The following STK39 variants were observed in gnomAD, a reference collection of about 807,000 sequenced individuals.
STK39 encodes serine/threonine kinase 39, also known as STE20/SPS1-related proline-alanine-rich protein kinase.
STK39 carries 20 observed loss-of-function variants against 77.8 expected under a neutral mutation model. That is an observed-to-expected ratio of 0.26 (90% CI 0.18 to 0.37). The LOEUF is 0.37. STK39 is among the 10% of genes least tolerant of loss of function. STK39 has a pLI of 1.00. For missense variants in STK39, 479 were observed against 656.5 expected (o/e 0.73, Z 2.95); for synonymous variants, 246 against 234.1 (o/e 1.05, Z -0.47).
At chr2:168,243,298 G>A (rs1025535428) in intron 1 of STK39, among the ~76,000 whole-genome samples, 2 of 152,194 alleles carry the variant, frequency 1.3e-5, no homozygotes, top group Admixed American at 1.3e-4. Context: ...ACAAGAGGCT[G>A]TTGCTCCTTA....
intron 12 of STK39, among the ~76,000 whole-genome samples, chr2:168,071,269 A>G (rs3754787): frequency 0.49 from 75,079 of 151,866 alleles, 19,705 homozygotes; most frequent in Non-Finnish European, 0.56. Context: ...TTAATATTCG[A>G]CTTGCAGTGC....
intron 10 of STK39, among the ~76,000 whole-genome samples, chr2:168,077,008 G>C (rs1272772213): frequency 6.6e-6 from 1 of 152,132 alleles, no homozygotes; most frequent in Non-Finnish European, 1.5e-5. Context: ...TATTTTCTTA[G>C]CAACGCTGAT....
At chr2:168,235,510 A>T (rs1471892063) in intron 1 of STK39, among the ~76,000 whole-genome samples, 1 of 151,622 alleles carries the variant, frequency 6.6e-6, no homozygotes, top group Non-Finnish European at 1.5e-5. Flanking sequence ...TGCAGGTTAC[A>T]TATGTATACA....
In STK39 at chr2:168,234,028, T is replaced by A. The variant is rs539055509; in HGVS notation, c.208+13200A>T. Among the ~76,000 whole-genome samples the A allele has an allele frequency of 3.9e-5, 6 of 152,358 alleles. No individual in the cohort carries two copies. In the East Asian group the frequency reaches 9.6e-4, roughly 24 times the overall value. ...CAAGAATACTCTTCTTCTGAAGAGATGAATTGACTAGCTTGCAAATAGGTA... is the reference window on the plus strand; with the variant it reads ...CAAGAATACTCTTCTTCTGAAGAGAAGAATTGACTAGCTTGCAAATAGGTA... On this transcript the variant is annotated intron_variant, in intron 1 of 17. Transcript: ENST00000355999.
intron 14 of STK39, among the ~76,000 whole-genome samples, chr2:168,047,348 T>C (rs1685270727): frequency 6.6e-6 from 1 of 152,230 alleles, no homozygotes; most frequent in Non-Finnish European, 1.5e-5. Flanking sequence ...TTTTAAGTGC[T>C]TTAGAGGCCT....
intron 17 of STK39, among the ~76,000 whole-genome samples, chr2:167,964,153 TCTGTTA>T (rs1306320568): frequency 6.6e-6 from 1 of 152,214 alleles, no homozygotes; most frequent in East Asian, 1.9e-4. Flanking sequence ...TCTACAAAAA[TCTGTTA>T]CTGTTGATTT....
chr2:168,157,079 G>A lies in STK39; in HGVS notation c.628+4708C>T, dbSNP rs879416136. On this transcript the variant is annotated intron_variant, in intron 5 of 17. Coordinates refer to ENST00000355999, the MANE Select transcript of STK39 (RefSeq NM_013233.3). ...TTCCTCTAGCTCCTTAATGGATAAC[G>A]CCTAAGTGACAGAAGCAAGTTAAGT... 3.3e-5 allele frequency among the ~76,000 whole-genome samples: 5 copies of A among 152,184 alleles called. No individual in the cohort carries two copies. The East Asian group carries it at 5.8e-4, about 18-fold the overall frequency.
At chr2:167,995,612 G>A (rs1683818214) in intron 16 of STK39, among the ~76,000 whole-genome samples, 1 of 152,176 alleles carries the variant, frequency 6.6e-6, no homozygotes, top group South Asian at 2.1e-4. Flanking sequence ...AGTATCAAGA[G>A]AGAGAAGATG....
intron 5 of STK39, among the ~76,000 whole-genome samples, chr2:168,160,718 C>A (rs1688547495): frequency 6.6e-6 from 1 of 152,184 alleles, no homozygotes; most frequent in Non-Finnish European, 1.5e-5. Flanking sequence ...CCAGAGCCTG[C>A]ACTCTGAACA....
intron 2 of STK39, among the ~76,000 whole-genome samples, chr2:168,181,465 G>A (rs1234503479): frequency 2.6e-5 from 4 of 152,022 alleles, no homozygotes; most frequent in South Asian, 2.1e-4. Flanking sequence ...AAATTGCCAC[G>A]TTAAGAAAAA....
At chr2:168,182,731 CA>C (rs1165319113) in intron 1 of STK39, among the ~76,000 whole-genome samples, 1 of 152,168 alleles carries the variant, frequency 6.6e-6, no homozygotes, top group Non-Finnish European at 1.5e-5. Context: ...TGTCATTATC[CA>C]TATTTTATAA....
chr2:168,229,970 G>A (rs1192077705), intron 1 of STK39, among the ~76,000 whole-genome samples: 1 of 152,146 alleles, frequency 6.6e-6, no homozygotes, highest in Non-Finnish European at 1.5e-5. Context: ...CAGCAAATTA[G>A]TCTATGAAAC....
chr2:168,144,569 G>A (rs1688082646), intron 5 of STK39, among the ~76,000 whole-genome samples: 1 of 151,808 alleles, frequency 6.6e-6, no homozygotes, highest in Non-Finnish European at 1.5e-5. Context: ...GCCTCCCAAC[G>A]TGCTGGAATT....
intron 14 of STK39, 46 bp downstream of exon 14, chr2:168,063,454 T>C (rs1249390574): frequency 3.9e-6 from 6 of 1,519,864 alleles, no homozygotes; most frequent in African/African-American, 1.4e-5. Context: ...TTTAAAAAAT[T>C]GTACTATAGG....
chr2:168,001,512 C>CTT (rs150832001), intron 16 of STK39, among the ~76,000 whole-genome samples: 4 of 110,818 alleles, frequency 3.6e-5, no homozygotes, highest in East Asian at 4.6e-4. Context: ...AGAAAGTCCT[C>CTT]TTTTTTTAAA....
chr2:168,015,686 A>G (rs1684386074), intron 15 of STK39, among the ~76,000 whole-genome samples: 1 of 152,126 alleles, frequency 6.6e-6, no homozygotes, highest in African/African-American at 2.4e-5. Context: ...TTAAACAATC[A>G]GATGAAAAGA....
At chr2:168,015,954 G>GT (rs1484513841) in intron 15 of STK39, among the ~76,000 whole-genome samples, 3 of 152,248 alleles carry the variant, frequency 2.0e-5, no homozygotes, top group African/African-American at 7.2e-5. Flanking sequence ...TTCAGACAAA[G>GT]TCTCGCTCTG....
At chr2:168,142,532 G>A (rs1169626070) in intron 5 of STK39, among the ~76,000 whole-genome samples, 2 of 151,998 alleles carry the variant, frequency 1.3e-5, no homozygotes, top group Non-Finnish European at 2.9e-5. Context: ...ACATAATCCA[G>A]GTAAAAATCC....
rs377122351 is a variant in STK39 at position 167,989,842 on chromosome 2, T to C, written c.1498+22792A>G. Among the ~76,000 whole-genome samples, 186 of 152,150 alleles carry C rather than the reference T, an allele frequency of 1.2e-3. 1 individual carries two copies. The highest frequency in any genetic ancestry group is 3.9e-3 in the African/African-American group (163 of 41,522). On this transcript the variant is annotated intron_variant, in intron 16 of 17. Transcript: ENST00000355999. ...ACACATCAATCACCCAGTAGAAGCA[T>C]AGCTAAGCCAACAGTGATAAGCAGT...
Sources: allele counts gnomAD v4.1 joint callset (sites outside exome capture counted in the v4.1 genomes callset), GRCh38; gene constraint gnomAD v4.1.1; transcripts MANE v1.5; gene names NCBI Gene and HGNC (gene_info 2026-07-23, HGNC 2026-07-21).